The following RBFOX1 variants were observed in gnomAD, a reference collection of about 807,000 sequenced individuals.
The protein encoded by RBFOX1 is RNA binding protein fox-1 homolog 1.
In RBFOX1, 8 loss-of-function variants were observed where a neutral mutation model predicts 57.7. That is an observed-to-expected ratio of 0.14 (90% CI 0.08 to 0.25). The LOEUF (loss-of-function observed/expected upper bound fraction) is 0.25, where lower values mean the gene tolerates loss of function less well. RBFOX1 is among the 10% of genes least tolerant of loss of function. The probability of loss-of-function intolerance (pLI) is 1.00; values close to 1 mark genes in which losing one functional copy is unlikely to be tolerated. For synonymous variants in RBFOX1, 326 were observed against 222.4 expected, an observed-to-expected ratio of 1.47 and a Z score of -4.15; for missense variants, 611 against 548.5, an observed-to-expected ratio of 1.11 and a Z score of -1.14.
At chr16:6,822,643 T>C (rs1603628990) in intron 3 of RBFOX1, among the ~76,000 whole-genome samples, 1 of 152,180 alleles carries the variant, frequency 6.6e-6, no homozygotes, top group African/African-American at 2.4e-5. Flanking sequence ...AGGTATGAGG[T>C]TAGACAACCC....
chr16:5,724,722 G>GT (rs2052071647), intron 3 of RBFOX1, among the ~76,000 whole-genome samples: 1 of 152,142 alleles, frequency 6.6e-6, no homozygotes, highest in Admixed American at 6.5e-5. Context: ...AAGGTAACAG[G>GT]TGAGGACCCA....
chr16:6,760,937 A>G (rs748878791), intron 3 of RBFOX1, among the ~76,000 whole-genome samples: 1 of 152,212 alleles, frequency 6.6e-6, no homozygotes, highest in Non-Finnish European at 1.5e-5. Flanking sequence ...GCCACCCATC[A>G]GGATCGGACT....
At chr16:6,902,565 T>C (rs2068751424) in intron 3 of RBFOX1, among the ~76,000 whole-genome samples, 1 of 152,010 alleles carries the variant, frequency 6.6e-6, no homozygotes, top group Admixed American at 6.6e-5. Context: ...CTACTAAAAA[T>C]ACAAAAATTG....
chr16:5,823,823 C>A (rs559831277), intron 3 of RBFOX1, among the ~76,000 whole-genome samples: 2 of 152,280 alleles, frequency 1.3e-5, no homozygotes, highest in East Asian at 3.9e-4. Context: ...TCAGGGCTCC[C>A]ACTGATTCTA....
rs191060801 is a variant in RBFOX1 at position 5,373,812 on chromosome 16, C to G, written c.220-93404C>G. Among the ~76,000 whole-genome samples the G allele has an allele frequency of 2.9e-3, 448 of 152,318 alleles. 4 individuals carry two copies. The highest frequency in any genetic ancestry group is 0.01 in the African/African-American group (433 of 41,570). ...AGAGATGGGGTTTCACCATACTGGT[C>G]AGGCTGGTCTCGAACTCCTGACCTC... On this transcript the variant is annotated intron_variant, in intron 1 of 2. Coordinates refer to the RBFOX1 transcript ENST00000585867.
At chr16:6,308,889 C>A (rs2079878744) in intron 1 of RBFOX1, among the ~76,000 whole-genome samples, 3 of 152,078 alleles carry the variant, frequency 2.0e-5, no homozygotes, top group African/African-American at 7.2e-5. Context: ...GTAGCTGTCT[C>A]CCCCTGCCAC....
chr16:6,051,901 C>G (rs1380977978), intron 1 of RBFOX1, among the ~76,000 whole-genome samples: 3 of 152,052 alleles, frequency 2.0e-5, no homozygotes, highest in Non-Finnish European at 2.9e-5. Context: ...TCCTTCCAGT[C>G]CATCCTTTGA....
At chr16:6,877,836 C>T (rs2062124940) in intron 3 of RBFOX1, among the ~76,000 whole-genome samples, 1 of 152,290 alleles carries the variant, frequency 6.6e-6, no homozygotes, top group Admixed American at 6.5e-5. Flanking sequence ...TAACAGTCTT[C>T]TTCCTATCCC....
At chr16:6,518,579 T>A (rs1275210234) in intron 2 of RBFOX1, among the ~76,000 whole-genome samples, 1 of 152,188 alleles carries the variant, frequency 6.6e-6, no homozygotes, top group Non-Finnish European at 1.5e-5. Context: ...GAAAACATCC[T>A]GGGAAGGTGA....
At chr16:7,062,864 A>C (rs1322442873) in intron 4 of RBFOX1, among the ~76,000 whole-genome samples, 2 of 137,754 alleles carry the variant, frequency 1.5e-5, no homozygotes, top group South Asian at 4.6e-4. Context: ...CCGTCCCTTA[A>C]GCTACCTCAT....
At chr16:6,227,528 C>T (rs1027349222) in intron 1 of RBFOX1, among the ~76,000 whole-genome samples, 5 of 152,040 alleles carry the variant, frequency 3.3e-5, no homozygotes, top group Admixed American at 6.5e-5. Flanking sequence ...AAGTGGAAGT[C>T]TGCAGGGTAG....
At chr16:7,067,957 T>TC (rs1325605159) in intron 4 of RBFOX1, among the ~76,000 whole-genome samples, 3 of 146,380 alleles carry the variant, frequency 2.0e-5, no homozygotes, top group Non-Finnish European at 4.4e-5. Flanking sequence ...CGCCATTTTT[T>TC]TTTTTTTTTT....
intron 4 of RBFOX1, among the ~76,000 whole-genome samples, chr16:7,246,452 T>G (rs1175954382): frequency 6.6e-6 from 1 of 152,148 alleles, no homozygotes; most frequent in East Asian, 1.9e-4. Context: ...AAAGCAGAAT[T>G]AAATCAAACT....
intron 3 of RBFOX1, among the ~76,000 whole-genome samples, chr16:6,775,141 T>A (rs1232587897): frequency 7.0e-6 from 1 of 142,144 alleles, no homozygotes; most frequent in African/African-American, 2.7e-5. Context: ...CTGGCGAACA[T>A]GGTGAAACCC....
intron 2 of RBFOX1, among the ~76,000 whole-genome samples, chr16:5,547,401 A>G (rs940629226): frequency 6.6e-6 from 1 of 152,238 alleles, no homozygotes; most frequent in Non-Finnish European, 1.5e-5. Flanking sequence ...TGGCACATGC[A>G]TATAATGGAA....
chr16:5,868,762 G>A (rs1446967442), intron 4 of RBFOX1, among the ~76,000 whole-genome samples: 1 of 152,158 alleles, frequency 6.6e-6, no homozygotes, highest in Non-Finnish European at 1.5e-5. Flanking sequence ...TCACTCGAGT[G>A]AGTTATTAAA....
intron 3 of RBFOX1, among the ~76,000 whole-genome samples, chr16:6,881,691 A>C (rs550166163): frequency 1.3e-5 from 2 of 152,162 alleles, no homozygotes; most frequent in Non-Finnish European, 2.9e-5. Flanking sequence ...TAAGACTTCA[A>C]CGTCTTAACG....
At chr16:6,898,333 A>AGG (rs1240590030) in intron 3 of RBFOX1, among the ~76,000 whole-genome samples, 1 of 151,922 alleles carries the variant, frequency 6.6e-6, no homozygotes, top group African/African-American at 2.4e-5. Context: ...CCTTGGATGG[A>AGG]GGGGGGTGAG....
chr16:6,589,790 T>C (rs568952671), intron 2 of RBFOX1, among the ~76,000 whole-genome samples: 29 of 152,354 alleles, frequency 1.9e-4, no homozygotes, highest in South Asian at 6.2e-4. Context: ...CCAAAGTTAG[T>C]TCAGCCTATG....
Sources: allele counts gnomAD v4.1 joint callset (sites outside exome capture counted in the v4.1 genomes callset), GRCh38; gene constraint gnomAD v4.1.1; transcripts MANE v1.5; gene names NCBI Gene and HGNC (gene_info 2026-07-23, HGNC 2026-07-21).